FARP1: variants seen among roughly 807,000 people sequenced by gnomAD.
FARP1 encodes the protein FERM, ARH/RhoGEF and pleckstrin domain protein 1.
A neutral mutation model predicts 128.8 loss-of-function variants in FARP1; 52 were observed. That is an observed-to-expected ratio of 0.40 (90% CI 0.32 to 0.51). The LOEUF (loss-of-function observed/expected upper bound fraction) is 0.51. FARP1 is among the 20% of genes least tolerant of loss of function. The pLI, the probability that FARP1 is intolerant of heterozygous loss-of-function variation, is 0.45. For missense variants in FARP1, 1,333 were observed against 1,367.9 expected, an observed-to-expected ratio of 0.97 and a Z score of 0.40; for synonymous variants, 580 against 551.8, an observed-to-expected ratio of 1.05 and a Z score of -0.72.
chr13:98,260,333 T>C (rs1566804856), intron 2 of FARP1, among the ~76,000 whole-genome samples: 1 of 152,234 alleles, frequency 6.6e-6, no homozygotes, highest in Non-Finnish European at 1.5e-5. Context: ...AATCATGGGT[T>C]CACACACCCC....
chr13:98,403,815 G>A (rs2140098385), intron 13 of FARP1: 1 of 152,264 alleles, frequency 6.6e-6, no homozygotes, highest in East Asian at 1.9e-4. Context: ...GTGTATGCAC[G>A]GTATTAATAT....
chr13:98,261,579 A>G (rs927367202), intron 2 of FARP1, among the ~76,000 whole-genome samples: 7 of 149,400 alleles, frequency 4.7e-5, no homozygotes, highest in African/African-American at 1.7e-4. Flanking sequence ...GGAAGGGTGG[A>G]TAAATTATGT....
chr13:98,314,675 C>A lies in FARP1; in HGVS notation c.172-29087C>A, dbSNP rs77779463. Among the ~76,000 whole-genome samples the A allele has an allele frequency of 3.1e-4, 47 of 152,302 alleles. 2 individuals carry two copies. In the East Asian group the frequency reaches 7.9e-3, roughly 26 times the overall value. ...TGGAATCCTGGGTAGTTTGACATGA[C>A]AGCAGAATTTGCTTAAAGCAAATTA... On this transcript the variant is annotated intron_variant, in intron 2 of 26. Transcript: ENST00000319562.
intron 1 of FARP1, among the ~76,000 whole-genome samples, chr13:98,208,104 A>G (rs1880404187): frequency 6.6e-6 from 1 of 152,058 alleles, no homozygotes; most frequent in Admixed American, 6.6e-5. Flanking sequence ...AGATCACACA[A>G]CCAAACAGAT....
chr13:98,314,139 G>A (rs755063326), intron 2 of FARP1, among the ~76,000 whole-genome samples: 9 of 152,144 alleles, frequency 5.9e-5, no homozygotes, highest in Non-Finnish European at 8.8e-5. Flanking sequence ...TAGATCTTAC[G>A]TCAGTGTTTG....
intron 11 of FARP1, among the ~76,000 whole-genome samples, chr13:98,393,112 C>T (rs553277637): frequency 1.3e-5 from 2 of 152,294 alleles, no homozygotes; most frequent in African/African-American, 4.8e-5. Flanking sequence ...ATGAAAGAGA[C>T]GTGTCAAGAT....
chr13:98,389,672 G>A (rs1352434001), intron 9 of FARP1: 2 of 313,468 alleles, frequency 6.4e-6, no homozygotes, highest in Non-Finnish European at 1.2e-5. Context: ...AACATAATTT[G>A]TATATGAAAT....
chr13:98,389,745 G>C, intron 9 of FARP1: 1 of 487,144 alleles, frequency 2.1e-6, no homozygotes, highest in Non-Finnish European at 3.6e-6. Context: ...CCGTCTAAGA[G>C]ATTCTGTGGG....
At chr13:98,199,106 T>C (rs931177594) in intron 1 of FARP1, among the ~76,000 whole-genome samples, 2 of 151,148 alleles carry the variant, frequency 1.3e-5, no homozygotes, top group Non-Finnish European at 2.9e-5. Flanking sequence ...ATTAGTCGGA[T>C]CCGCTATTGG....
At chr13:98,302,666 T>A (rs1323268716) in intron 2 of FARP1, among the ~76,000 whole-genome samples, 1 of 152,210 alleles carries the variant, frequency 6.6e-6, no homozygotes, top group Non-Finnish European at 1.5e-5. Flanking sequence ...TTCTTCAGGA[T>A]CCCATTGGGG....
chr13:98,352,677 A>T (rs1251409922), intron 3 of FARP1, among the ~76,000 whole-genome samples: 1 of 152,244 alleles, frequency 6.6e-6, no homozygotes, highest in East Asian at 1.9e-4. Context: ...GATATTTAAA[A>T]AACAGAGACT....
At position 98,165,710 on chromosome 13, in the gene FARP1, GTTT is replaced by G. The variant is rs71111927; in HGVS notation, c.-24+22249_-24+22251del. Among the ~76,000 whole-genome samples, 561 of 73,990 alleles carry G rather than the reference GTTT, an allele frequency of 7.6e-3. 3 individuals are homozygous for G. The highest frequency in any genetic ancestry group is 0.023 in the African/African-American group (387 of 16,968). 48.5% of individuals were successfully genotyped at this position (73,990 alleles called of 152,430 possible). Reference sequence around the variant, plus strand: ...AAAAAAAAAAACCCTTCCAGAAGGGGTTTTTTTTTTTTTTTTTTTTTTTTTTTT... The same window carrying G: ...AAAAAAAAAAACCCTTCCAGAAGGGGTTTTTTTTTTTTTTTTTTTTTTTTT... On this transcript the variant is annotated intron_variant, in intron 1 of 26. Transcript: ENST00000319562.
intron 1 of FARP1, among the ~76,000 whole-genome samples, chr13:98,150,759 C>G (rs1187289134): frequency 6.6e-6 from 1 of 151,812 alleles, no homozygotes; most frequent in Non-Finnish European, 1.5e-5. Context: ...TGGAAAAAAC[C>G]TATAGAGGAA....
At chr13:98,202,862 G>C (rs1880036450) in intron 1 of FARP1, among the ~76,000 whole-genome samples, 2 of 152,066 alleles carry the variant, frequency 1.3e-5, no homozygotes, top group Non-Finnish European at 2.9e-5. Context: ...TGGGACTGCA[G>C]GTGCTTACCA....
At chr13:98,359,039 A>G (rs1315867417) in intron 3 of FARP1, among the ~76,000 whole-genome samples, 4 of 152,210 alleles carry the variant, frequency 2.6e-5, no homozygotes, top group Non-Finnish European at 4.4e-5. Flanking sequence ...TGGCTCCTAT[A>G]TGTGTTACAG....
chr13:98,411,977 C>G lies in FARP1; in HGVS notation c.1769C>G (p.Pro590Arg), dbSNP rs1161200656. 2 of 1,614,034 alleles carry G rather than the reference C, an allele frequency of 1.2e-6. No homozygotes were observed. The highest frequency in any genetic ancestry group is 1.7e-5 in the Admixed American group (1 of 60,032). The stretch of plus-strand genomic sequence containing the variant: ...AGTCTCATATTCCCGAATTTTGAAC[C>G]TTTGCACAAATTTCATACTAATTTT... ...LKSLIFPNFE[P>R]LHKFHTNFLK... The change falls in exon 16 of 27, where the codon CCT becomes CGT. Residue 590 changes from proline to arginine, a missense_variant. Pro to Arg is a moderately radical substitution (Grantham distance 103, BLOSUM62 -2). Coordinates refer to ENST00000319562, the MANE Select transcript of FARP1 (RefSeq NM_005766.4).
Position 98,176,807 on chromosome 13 carries a change from C to T in FARP1, c.-24+33315C>T, listed in dbSNP as rs143204738. 465 of 1,613,256 alleles carry T rather than the reference C, an allele frequency of 2.9e-4. 1 individual carries two copies. The highest frequency in any genetic ancestry group is 3.7e-4 in the Non-Finnish European group (438 of 1,179,994). ...CTGTGGATTCCCCGGTAGATGTGGT[C>T]GTGCTCCCGACCCCGCAGTGCCTCC... On this transcript the variant is annotated intron_variant, in intron 1 of 26. Transcript: ENST00000319562. This position sits in a 1 kb window ranked among gnomAD's most constrained non-coding sequence, Gnocchi z 6.2.
rs559192903 is a variant in FARP1 at position 98,351,273 on chromosome 13, A to T, written c.276+7407A>T. 6.6e-5 allele frequency among the ~76,000 whole-genome samples: 10 copies of T among 152,292 alleles called. No homozygotes were observed. The East Asian group carries it at 1.9e-3, about 29-fold the overall frequency. On this transcript the variant is annotated intron_variant, in intron 3 of 26. Transcript: ENST00000319562. ...ATAAGAAATGTGCTTGTGTTAGGCC[A>T]TTTGTGTTGCTATAAGTAAATACCT...
intron 1 of FARP1, among the ~76,000 whole-genome samples, chr13:98,189,396 A>G (rs1322048710): frequency 6.6e-6 from 1 of 152,204 alleles, no homozygotes; most frequent in Non-Finnish European, 1.5e-5. Flanking sequence ...GTTTCAGACC[A>G]AGTTCACAGA....
Sources: gnomAD v4.1 joint callset for allele counts (sites outside exome capture counted in the v4.1 genomes callset) on GRCh38, gnomAD v4.1.1 for gene constraint, Gnocchi (gnomAD v3.1) non-coding constraint, MANE v1.5 for transcripts, NCBI Gene and HGNC (gene_info 2026-07-23, HGNC 2026-07-21) for gene names.